The following NHS variants were observed in gnomAD, a reference collection of about 807,000 sequenced individuals.
The protein encoded by NHS is actin remodeling regulator NHS.
NHS carries 5 observed loss-of-function variants against 72.5 expected under a neutral mutation model. The observed-to-expected ratio is 0.07, with a 90% CI of 0.04 to 0.14. The LOEUF (loss-of-function observed/expected upper bound fraction) is 0.14. Among genes scored for constraint, NHS ranks in the 10% least tolerant of loss-of-function variants. The pLI, the probability that NHS is intolerant of heterozygous loss-of-function variation, is 1.00. For missense variants in NHS, 1,072 were observed against 1,355.7 expected (o/e 0.79, Z 3.29); for synonymous variants, 464 against 547.7 (o/e 0.85, Z 2.13).
intron 1 of NHS, among the ~76,000 whole-genome samples, chrX:17,534,145 C>T (rs1304770869): frequency 9.0e-6 from 1 of 111,082 alleles, no homozygotes; most frequent in Non-Finnish European, 1.9e-5. Flanking sequence ...TGTCTACTCT[C>T]ACATTAACAC....
chrX:17,406,925 T>G (rs1601692119), intron 1 of NHS, among the ~76,000 whole-genome samples: 1 of 112,162 alleles, frequency 8.9e-6, no homozygotes, highest in South Asian at 3.7e-4. Context: ...GAGGATGAGT[T>G]GCTTACCTCA....
chrX:17,674,557 C>T (rs1342384995), intron 1 of NHS, among the ~76,000 whole-genome samples: 1 of 112,244 alleles, frequency 8.9e-6, no homozygotes, highest in East Asian at 2.8e-4. Context: ...TGTGTGTGGT[C>T]TACTCACCAA....
At chrX:17,408,919 T>C (rs2146857301) in intron 1 of NHS, among the ~76,000 whole-genome samples, 1 of 109,553 alleles carries the variant, frequency 9.1e-6, no homozygotes, top group Non-Finnish European at 1.9e-5. Context: ...TATCCTCACA[T>C]GTTAGACAGA....
chrX:17,513,092 G>C (rs1251610395), intron 1 of NHS, among the ~76,000 whole-genome samples: 1 of 111,865 alleles, frequency 8.9e-6, no homozygotes, highest in Non-Finnish European at 1.9e-5. Context: ...TCTTGGAACG[G>C]GCTTAAACCT....
chrX:17,561,570 GCGCGCACACACACACA>G (rs1478196530), intron 1 of NHS, among the ~76,000 whole-genome samples: 2 of 63,168 alleles, frequency 3.2e-5, no homozygotes, highest in Middle Eastern at 9.8e-3. Context: ...GCGCGCGCGC[GCGCGCACACACACACA>G]CACACACACA....
chrX:17,401,943 A>C (rs1438261421), intron 1 of NHS, among the ~76,000 whole-genome samples: 1 of 112,142 alleles, frequency 8.9e-6, no homozygotes, highest in African/African-American at 3.2e-5. Context: ...TTCAACCCAT[A>C]ACAGGCTTGT....
chrX:17,444,247 A>G (rs1047370483), intron 1 of NHS, among the ~76,000 whole-genome samples: 1 of 111,746 alleles, frequency 8.9e-6, no homozygotes, highest in Admixed American at 9.4e-5. Context: ...CCCTAATTGA[A>G]ATTAGGCTTC....
At chrX:17,615,203 CG>C (rs900107962) in intron 1 of NHS, among the ~76,000 whole-genome samples, 11 of 86,779 alleles carry the variant, frequency 1.3e-4, no homozygotes, top group Non-Finnish European at 1.9e-4. Flanking sequence ...CACATATATA[CG>C]TATATATATA....
chrX:17,425,568 A>AAAAAAAAAAAAAAAAAAG (rs2064651928), intron 1 of NHS, among the ~76,000 whole-genome samples: 6 of 77,072 alleles, frequency 7.8e-5, no homozygotes, highest in Admixed American at 1.6e-4. Flanking sequence ...AAAAAAAAAA[A>AAAAAAAAAAAAAAAAAAG]AAAGAAAGAA....
chrX:17,615,217 TATATATACAC>T (rs2065737624), intron 1 of NHS, among the ~76,000 whole-genome samples: 1 of 94,413 alleles, frequency 1.1e-5, no homozygotes, highest in African/African-American at 4.4e-5. Context: ...TATATATACG[TATATATACAC>T]ATATATATAC....
At chrX:17,578,183 G>C (rs1273705093) in intron 1 of NHS, among the ~76,000 whole-genome samples, 1 of 112,590 alleles carries the variant, frequency 8.9e-6, no homozygotes, top group East Asian at 2.8e-4. Flanking sequence ...TGTGGTTAAT[G>C]ATGTTCTTTA....
At chrX:17,393,993 T>A (rs1397833111) in intron 1 of NHS, among the ~76,000 whole-genome samples, 1 of 111,637 alleles carries the variant, frequency 9.0e-6, no homozygotes, top group East Asian at 2.8e-4. Flanking sequence ...CAATGAATAG[T>A]ACGACATTCC....
chrX:17,635,803 T>C (rs894141836), intron 1 of NHS, among the ~76,000 whole-genome samples: 1 of 112,294 alleles, frequency 8.9e-6, no homozygotes, highest in African/African-American at 3.2e-5. Context: ...CTTTGACATT[T>C]AGGGTCAGTG....
chrX:17,573,912 A>C, intron 1 of NHS, among the ~76,000 whole-genome samples: 1 of 111,536 alleles, frequency 9.0e-6, no homozygotes, highest in Non-Finnish European at 1.9e-5. Flanking sequence ...TCTGTTTGTT[A>C]GTTTTTCTTC....
intron 1 of NHS, chrX:17,585,887 T>TA (rs1377325774): frequency 9.1e-6 from 1 of 110,178 alleles, no homozygotes; most frequent in African/African-American, 3.3e-5. Flanking sequence ...AATTTCATTA[T>TA]AAAAAAATAA....
intron 1 of NHS, among the ~76,000 whole-genome samples, chrX:17,414,532 A>G (rs766317595): frequency 1.8e-5 from 2 of 112,036 alleles, no homozygotes; most frequent in African/African-American, 3.2e-5. Flanking sequence ...CAGTGAAACA[A>G]TTAGGTAATA....
intron 1 of NHS, among the ~76,000 whole-genome samples, chrX:17,589,539 A>G (rs1208730330): frequency 3.6e-5 from 4 of 111,777 alleles, no homozygotes; most frequent in Non-Finnish European, 7.5e-5. Flanking sequence ...ATTCCATGGT[A>G]TGTATGTGTG....
chrX:17,668,063 G>A (rs2066023159), intron 1 of NHS, among the ~76,000 whole-genome samples: 1 of 101,101 alleles, frequency 9.9e-6, no homozygotes, highest in Admixed American at 1.1e-4. Flanking sequence ...ACCAGCCCTG[G>A]CAACATGGCA....
intron 1 of NHS, among the ~76,000 whole-genome samples, chrX:17,525,643 T>C (rs1446637169): frequency 3.7e-4 from 38 of 103,887 alleles, no homozygotes; most frequent in East Asian, 5.8e-4. Flanking sequence ...CTTTTCTTTT[T>C]TTTTTTTTTT....
Sources: allele counts gnomAD v4.1 joint callset (sites outside exome capture counted in the v4.1 genomes callset), GRCh38; gene constraint gnomAD v4.1.1; transcripts MANE v1.5; gene names NCBI Gene and HGNC (gene_info 2026-07-23, HGNC 2026-07-21).